KCTD13: variants seen among roughly 807,000 people sequenced by gnomAD.
KCTD13 encodes the protein potassium channel tetramerization domain containing 13, also known as BTB/POZ domain-containing adapter for CUL3-mediated RhoA degradation protein 1.
Under a neutral mutation model 32.3 loss-of-function variants are expected in KCTD13, and 15 were observed. The observed-to-expected ratio is 0.46, with a 90% confidence interval of 0.31 to 0.71. The LOEUF (loss-of-function observed/expected upper bound fraction) is 0.71. Ranked by LOEUF, KCTD13 falls within the 30% of genes least tolerant of loss-of-function variation. KCTD13 has a pLI of 0.05. For missense variants in KCTD13, 337 were observed against 452.6 expected (o/e 0.74, Z 2.32); for synonymous variants, 189 against 200.1 (o/e 0.94, Z 0.47).
rs575960795 is a variant in KCTD13, at chr16:29,918,633, G to C, written c.414+4557C>G. On this transcript the variant is annotated intron_variant, in intron 2 of 5. Transcript: ENST00000568000. The stretch of plus-strand genomic sequence containing the variant: ...CTACAGGCACCCACCACCACTCCCA[G>C]CTAATTTTTGTAATTTTTTATTTAT... Among the ~76,000 whole-genome samples, 7 of 151,372 alleles carry C rather than the reference G, an allele frequency of 4.6e-5. No individual in the cohort carries two copies. In the South Asian group the frequency reaches 1.5e-3, roughly 32 times the overall value.
intron 5 of KCTD13, among the ~76,000 whole-genome samples, chr16:29,910,761 T>G (rs1050946802): frequency 2.6e-5 from 4 of 152,170 alleles, no homozygotes; most frequent in Admixed American, 6.5e-5. Flanking sequence ...CCAACAGGCC[T>G]AGGCTAAGCA....
rs959507583 is a variant in KCTD13 at position 29,923,233 on chromosome 16, T to A, written c.371A>T (p.Tyr124Phe). The A allele has an allele frequency of 3.3e-5, 53 of 1,614,056 alleles. No homozygotes were observed. The highest frequency in any genetic ancestry group is 4.0e-5 in the Non-Finnish European group (47 of 1,180,046). ...LGELLGEARY[Y>F]LVQGLIEDCQ... ...GTCCTCAATCAGGCCCTGCACCAGGTAGTAGCGTGCTTCGCCCAGCAGCTC... is the reference window on the plus strand; with the variant it reads ...GTCCTCAATCAGGCCCTGCACCAGGAAGTAGCGTGCTTCGCCCAGCAGCTC... Residue 124 changes from tyrosine to phenylalanine, a missense_variant, in exon 2 of 6, where the codon TAC becomes TTC. Tyr to Phe is a conservative substitution (Grantham distance 22). Coordinates refer to ENST00000568000, the MANE Select transcript of KCTD13 (RefSeq NM_178863.5).
At chr16:29,925,456 CTAGTTCCCAAG>C (rs1476901566) in intron 1 of KCTD13, 1 of 378,334 alleles carries the variant, frequency 2.6e-6, no homozygotes, top group Non-Finnish European at 4.9e-6. Flanking sequence ...GGCAGCAGGG[CTAGTTCCCAAG>C]TCTTGAGCTG....
At chr16:29,911,360 C>G (rs1291467792) in intron 4 of KCTD13, 187 bp from the exon 5 acceptor site, 1 of 605,082 alleles carries the variant, frequency 1.7e-6, no homozygotes, top group African/African-American at 1.9e-5. Context: ...ATGCGCTGAG[C>G]AAATCCCAGC....
In KCTD13 at chr16:29,925,951, G is replaced by A; in HGVS notation, c.83C>T (p.Pro28Leu). 6.2e-7 allele frequency: 1 copy of A among 1,613,680 alleles called. No individual in the cohort carries two copies. Among genetic ancestry groups the A allele is most frequent in the Non-Finnish European group, 8.5e-7 (1 of 1,179,840 alleles). Residue 28 changes from proline to leucine, a missense_variant, in exon 1 of 6, where the codon CCC becomes CTC. Physicochemically the swap from Pro to Leu is moderately conservative, Grantham distance 98. Transcript: ENST00000568000. ...APKPSGLEPG[P>L]AAYGLKPLTP... ...CAGCGGCTTGAGACCGTAGGCGGCG[G>A]GGCCAGGCTCGAGACCCGAGGGCTT...
chr16:29,913,612 TG>T (rs1458807097), intron 2 of KCTD13: 9 of 152,182 alleles, frequency 5.9e-5, no homozygotes, highest in Non-Finnish European at 1.2e-4. Flanking sequence ...GTGGCCAAGA[TG>T]TCAGTGGGGC....
intron 2 of KCTD13, among the ~76,000 whole-genome samples, chr16:29,917,830 C>T (rs538408880): frequency 2.6e-5 from 4 of 152,092 alleles, no homozygotes; most frequent in East Asian, 3.9e-4. Flanking sequence ...CGCCTGTAAT[C>T]GCAGCTACTC....
Position 29,907,033 on chromosome 16 carries a change from G to T in KCTD13, c.829C>A (p.Pro277Thr). The T allele has an allele frequency of 6.2e-7, 1 of 1,614,120 alleles. No homozygotes were observed. The highest frequency in any genetic ancestry group is 8.5e-7 in the Non-Finnish European group (1 of 1,179,962). The change falls in exon 6 of 6, where the codon CCA (proline) becomes ACA (threonine). Residue 277 changes from proline (P) to threonine (T), a missense_variant. By Grantham distance (38) the Pro-to-Thr change is conservative. Coordinates refer to ENST00000568000, the MANE Select transcript of KCTD13 (RefSeq NM_178863.5). ...CCCCCTGTGGCCTCCAGGAGGGCTG[G>T]GTCTGGGCCCCGGGGAGTCTCGTAG... Reference protein sequence around the residue: ...LIYETPRGPDPALLEATGGAA... With the variant: ...LIYETPRGPDTALLEATGGAA...
At chr16:29,912,161 A>G in intron 2 of KCTD13, 112 bp from the exon 3 acceptor site, 1 of 718,014 alleles carries the variant, frequency 1.4e-6, no homozygotes, top group South Asian at 1.6e-5. Flanking sequence ...AGTGGTCCGC[A>G]GGGCTCTGCA....
intron 1 of KCTD13, chr16:29,925,557 G>T (rs1047120916): frequency 1.0e-5 from 6 of 583,674 alleles, no homozygotes; most frequent in African/African-American, 9.4e-5. Flanking sequence ...CTGGCAGTTA[G>T]GGGTTCCGTA....
intron 2 of KCTD13, among the ~76,000 whole-genome samples, chr16:29,917,694 G>A (rs913196982): frequency 1.3e-5 from 2 of 152,100 alleles, no homozygotes; most frequent in South Asian, 4.1e-4. Flanking sequence ...CAGGAGAATC[G>A]CTTGAACCCG....
Position 29,923,187 on chromosome 16 carries a change from C to T in KCTD13, c.414+3G>A. The stretch of plus-strand genomic sequence containing the variant: ...TAGGCATGGGGACTCCGAAGGCCCT[C>T]ACCTGCAGCGCCAGCTGGCAGTCCT... On this transcript the variant is annotated splice_donor_region_variant and intron_variant, in intron 2 of 5. Coordinates refer to ENST00000568000, the MANE Select transcript of KCTD13 (RefSeq NM_178863.5). 3 of 1,614,076 alleles carry T rather than the reference C, an allele frequency of 1.9e-6. No homozygotes were observed. Among genetic ancestry groups the T allele is most frequent in the Non-Finnish European group, 8.5e-7 (1 of 1,179,944 alleles).
At position 29,925,993 on chromosome 16, in the gene KCTD13, G is replaced by A; in HGVS notation, c.41C>T (p.Pro14Leu). 1 of 1,592,994 alleles carries A rather than the reference G, an allele frequency of 6.3e-7. No individual in the cohort carries two copies. The highest frequency in any genetic ancestry group is 1.1e-5 in the South Asian group (1 of 89,582). ...CGAGGGCTTGGGGGCTTCCAGGGAC[G>A]GGGCCGCGGCGGCAGCCGGGCCCGA... Reference protein sequence around the residue: ...EASGPAAAAAPSLEAPKPSGL... With the variant: ...EASGPAAAAALSLEAPKPSGL... The change falls in exon 1 of 6, where the codon CCG (proline) becomes CTG (leucine). Residue 14 changes from proline (P) to leucine (L), a missense_variant. Around this residue, in one of 3 missense-constraint regions of KCTD13, gnomAD observed 64 missense variants for 59.6 expected, o/e 1.07. Transcript: ENST00000568000.
intron 2 of KCTD13, 170 bp from the exon 3 acceptor site, chr16:29,912,219 G>A: frequency 1.6e-6 from 1 of 643,874 alleles, no homozygotes; most frequent in Non-Finnish European, 2.7e-6. Context: ...TTGCTTGCTG[G>A]GCCTTGGTCC....
Position 29,906,660 on chromosome 16 carries a change from G to A in KCTD13, c.*212C>T. ...GTGGGGACAAGTGTTGGCTTCGGAA[G>A]GCTCTGAGTGGTGGGGCCGGAATGT... is the stretch of plus-strand genomic sequence containing the variant. On this transcript the variant is annotated 3_prime_UTR_variant, in exon 6 of 6. Transcript: ENST00000568000. 2 of 684,640 alleles carry A rather than the reference G, an allele frequency of 2.9e-6. No homozygotes were observed. The highest frequency in any genetic ancestry group is 3.0e-5 in the South Asian group (2 of 66,366). 42.4% of individuals were successfully genotyped at this position (684,640 alleles called of 1,614,324 possible). A position where few individuals can be genotyped will look rare whatever the true frequency, so the allele number is the denominator to read the frequency against.
At chr16:29,919,501 A>C (rs1192901540) in intron 2 of KCTD13, 1 of 152,196 alleles carries the variant, frequency 6.6e-6, no homozygotes. Context: ...AACTATTTGT[A>C]AAGTCATGCT....
At chr16:29,921,564 A>G (rs1205426936) in intron 2 of KCTD13, 1 of 152,202 alleles carries the variant, frequency 6.6e-6, no homozygotes, top group African/African-American at 2.4e-5. Flanking sequence ...ACAAGGATAC[A>G]AGATGTATAC....
intron 2 of KCTD13, among the ~76,000 whole-genome samples, chr16:29,916,657 A>C (rs1311505662): frequency 6.6e-6 from 1 of 151,696 alleles, no homozygotes; most frequent in East Asian, 2.0e-4. Context: ...TGAGGTCAGG[A>C]GTTCGAGACC....
At chr16:29,925,231 C>A (rs145955516) in intron 1 of KCTD13, among the ~76,000 whole-genome samples, 245 of 152,328 alleles carry the variant, frequency 1.6e-3, no homozygotes, top group Middle Eastern at 3.4e-3. Context: ...ACCCTCCACT[C>A]TGGTGTCCCT....
Sources: allele counts gnomAD v4.1 joint callset (sites outside exome capture counted in the v4.1 genomes callset), GRCh38; gene constraint gnomAD v4.1.1; regional missense constraint gnomAD v4.1.1; transcripts MANE v1.5; gene names NCBI Gene and HGNC (gene_info 2026-07-23, HGNC 2026-07-21).